Variants in IGSF21 observed in about 807,000 individuals in gnomAD.
IGSF21 encodes immunoglobulin superfamily member 21.
In IGSF21, 28 loss-of-function variants were observed where a neutral mutation model predicts 46.8. That is an observed-to-expected ratio of 0.60 (90% confidence interval 0.44 to 0.82). IGSF21 has a LOEUF of 0.82. Ranked by LOEUF, IGSF21 falls within the 40% of genes least tolerant of loss-of-function variation. The pLI is 0.00. For synonymous variants in IGSF21, 284 were observed against 273.6 expected, an observed-to-expected ratio of 1.04 and a Z score of -0.38; for missense variants, 624 against 665.5, an observed-to-expected ratio of 0.94 and a Z score of 0.69.
intron 6 of IGSF21, among the ~76,000 whole-genome samples, chr1:18,370,915 C>T (rs1286959119): frequency 6.6e-6 from 1 of 152,200 alleles, no homozygotes; most frequent in Non-Finnish European, 1.5e-5. Flanking sequence ...ATTTTAAAAA[C>T]TGACAATACC....
intron 2 of IGSF21, among the ~76,000 whole-genome samples, chr1:18,278,172 G>T (rs577769657): frequency 1.3e-5 from 2 of 151,798 alleles, no homozygotes; most frequent in East Asian, 3.9e-4. Flanking sequence ...AATGGAGGGT[G>T]GGGGGAGATA....
At chr1:18,296,827 C>A (rs1042994454) in intron 3 of IGSF21, among the ~76,000 whole-genome samples, 3 of 152,170 alleles carry the variant, frequency 2.0e-5, no homozygotes, top group Admixed American at 6.5e-5. Flanking sequence ...TTTCCTGAAG[C>A]ACCCTGAGGC....
intron 1 of IGSF21, among the ~76,000 whole-genome samples, chr1:18,198,583 G>T (rs1164917259): frequency 6.6e-6 from 1 of 152,238 alleles, no homozygotes; most frequent in African/African-American, 2.4e-5. Context: ...GTGATGTTAG[G>T]CAAGGCCTGC....
chr1:18,125,244 T>C (rs1355502563), intron 1 of IGSF21, among the ~76,000 whole-genome samples: 1 of 152,204 alleles, frequency 6.6e-6, no homozygotes, highest in Admixed American at 6.5e-5. Context: ...TATATCTTCT[T>C]CATGATTCAG....
intron 4 of IGSF21, chr1:18,361,515 C>T (rs1161816193): frequency 6.5e-6 from 1 of 152,684 alleles, no homozygotes; most frequent in Non-Finnish European, 1.5e-5. Context: ...GTGCCCTGCT[C>T]ATATGCCCAG....
At chr1:18,114,800 C>T (rs1182620619) in intron 1 of IGSF21, 1 of 152,220 alleles carries the variant, frequency 6.6e-6, no homozygotes, top group Non-Finnish European at 1.5e-5. Flanking sequence ...AACCCAGATT[C>T]TGTGGTTGCG....
At chr1:18,341,060 T>TTCTTCTTCTTCTTCCTCTTCCTCTTCC (rs2085833411) in intron 4 of IGSF21, among the ~76,000 whole-genome samples, 1 of 82,084 alleles carries the variant, frequency 1.2e-5, no homozygotes, top group Non-Finnish European at 2.5e-5. Context: ...CCTCTTCCTC[T>TTCTTCTTCTTCTTCCTCTTCCTCTTCC]TCTTCTTCTT....
chr1:18,185,585 T>G (rs1028735641), intron 1 of IGSF21, among the ~76,000 whole-genome samples: 18 of 152,196 alleles, frequency 1.2e-4, no homozygotes, highest in Admixed American at 3.9e-4. Context: ...TTGAATTTCT[T>G]CTTCCTAATT....
chr1:18,287,739 T>G (rs2085229097), intron 2 of IGSF21, among the ~76,000 whole-genome samples: 1 of 152,176 alleles, frequency 6.6e-6, no homozygotes, highest in Non-Finnish European at 1.5e-5. Flanking sequence ...CACTTTGTTT[T>G]GAAGCTGCTA....
chr1:18,259,309 A>G (rs1472143050), intron 2 of IGSF21, among the ~76,000 whole-genome samples: 1 of 152,166 alleles, frequency 6.6e-6, no homozygotes, highest in Non-Finnish European at 1.5e-5. Context: ...TAAAATGAGG[A>G]GATCCATACC....
chr1:18,340,096 T>G (rs879668774), intron 4 of IGSF21, among the ~76,000 whole-genome samples: 6 of 152,196 alleles, frequency 3.9e-5, no homozygotes, highest in African/African-American at 1.4e-4. Flanking sequence ...CCCACGTACA[T>G]GGACATTCTA....
chr1:18,132,563 T>C (rs535839626), intron 1 of IGSF21, among the ~76,000 whole-genome samples: 1 of 152,290 alleles, frequency 6.6e-6, no homozygotes, highest in African/African-American at 2.4e-5. Context: ...CACTGCAAAA[T>C]GACCGCAGAG....
At chr1:18,349,684 G>A (rs1382983806) in intron 4 of IGSF21, among the ~76,000 whole-genome samples, 1 of 152,204 alleles carries the variant, frequency 6.6e-6, no homozygotes, top group East Asian at 1.9e-4. Flanking sequence ...CTTGGCAGGT[G>A]CCAGGTGTGG....
chr1:18,184,194 C>G (rs1459655350), intron 1 of IGSF21, among the ~76,000 whole-genome samples: 1 of 152,332 alleles, frequency 6.6e-6, no homozygotes, highest in East Asian at 1.9e-4. Context: ...TCCATCCAGC[C>G]TTCTAGCCTT....
At chr1:18,250,102 C>A (rs1343935545) in intron 2 of IGSF21, among the ~76,000 whole-genome samples, 1 of 68,702 alleles carries the variant, frequency 1.5e-5, no homozygotes, top group African/African-American at 5.7e-5. Context: ...TCCCTCGCTC[C>A]CTCCCTCCCT....
chr1:18,349,901 A>T (rs989299976), intron 4 of IGSF21, among the ~76,000 whole-genome samples: 2 of 152,010 alleles, frequency 1.3e-5, no homozygotes, highest in East Asian at 1.9e-4. Context: ...TCTTAAAAAA[A>T]AAACCACTAA....
chr1:18,153,706 C>T (rs1298154486), intron 1 of IGSF21, among the ~76,000 whole-genome samples: 7 of 148,494 alleles, frequency 4.7e-5, no homozygotes, highest in Non-Finnish European at 7.4e-5. Context: ...GGTGGTCCAG[C>T]TAGGGATGGC....
intron 1 of IGSF21, among the ~76,000 whole-genome samples, chr1:18,197,332 T>C (rs2087020010): frequency 6.6e-6 from 1 of 152,136 alleles, no homozygotes; most frequent in Non-Finnish European, 1.5e-5. Flanking sequence ...GTCCCTTGGA[T>C]GCACAAGGTA....
In IGSF21 at chr1:18,322,757, G is replaced by A. The variant is rs1233270270; in HGVS notation, c.306-12135G>A. 2.1e-5 allele frequency among the ~76,000 whole-genome samples: 3 copies of A among 143,372 alleles called. No individual in the cohort carries two copies. The highest frequency in any genetic ancestry group is 4.6e-5 in the Non-Finnish European group (3 of 65,026). 94.1% of individuals were successfully genotyped at this position (143,372 alleles called of 152,430 possible). A position where few individuals can be genotyped will look rare whatever the true frequency, so the allele number is the denominator to read the frequency against. ...GAGCCTGAGTCCAACAGGCTGACCA[G>A]TGAGGGGCTAAGTGGATCAGTCAGG... is the stretch of plus-strand genomic sequence containing the variant. On this transcript the variant is annotated intron_variant, in intron 3 of 9. Transcript: ENST00000251296. This position sits in a 1 kb window ranked among gnomAD's most constrained non-coding sequence, Gnocchi z 4.3.
Sources: gnomAD v4.1 joint callset for allele counts (sites outside exome capture counted in the v4.1 genomes callset) on GRCh38, gnomAD v4.1.1 for gene constraint, Gnocchi (gnomAD v3.1) non-coding constraint, MANE v1.5 for transcripts, NCBI Gene and HGNC (gene_info 2026-07-23, HGNC 2026-07-21) for gene names.